Variants in CACNA1C observed in about 807,000 individuals in gnomAD.
The protein encoded by CACNA1C is voltage-dependent L-type calcium channel subunit alpha-1C.
A neutral mutation model predicts 229.0 loss-of-function variants in CACNA1C; 30 were observed. The ratio of observed to expected loss-of-function variants is 0.13; its 90% CI spans 0.10 to 0.18. CACNA1C has a LOEUF of 0.18. Ranked by LOEUF, CACNA1C falls within the 10% of genes least tolerant of loss-of-function variation. The pLI is 1.00. For synonymous variants in CACNA1C, 1,114 were observed against 1,132.5 expected, an observed-to-expected ratio of 0.98 and a Z score of 0.33; for missense variants, 1,658 against 2,845.0, an observed-to-expected ratio of 0.58 and a Z score of 9.49.
chr12:2,606,675 T>C lies in CACNA1C; in HGVS notation c.3209+12T>C, dbSNP rs372982213. 254 of 1,605,766 alleles carry C rather than the reference T, an allele frequency of 1.6e-4. 3 individuals carry two copies. The highest frequency in any genetic ancestry group is 8.3e-4 in the Middle Eastern group (5 of 6,058). Reference sequence around the variant, plus strand: ...GAGGCGGAATGCAAGTGAGTAGAGGTGGGAGGGCAGCCAGGGCCACGGCCG... The same window carrying C: ...GAGGCGGAATGCAAGTGAGTAGAGGCGGGAGGGCAGCCAGGGCCACGGCCG... On this transcript the variant is annotated intron_variant, in intron 25 of 46. Coordinates refer to ENST00000399655, the MANE Select transcript of CACNA1C (RefSeq NM_000719.7).
chr12:2,418,166 G>A (rs1485484389), intron 3 of CACNA1C, among the ~76,000 whole-genome samples: 3 of 152,106 alleles, frequency 2.0e-5, no homozygotes, highest in African/African-American at 4.8e-5. Context: ...CTAGCATTAC[G>A]GCAGGCATCT....
At chr12:2,227,809 G>A (rs2063466328) in intron 3 of CACNA1C, among the ~76,000 whole-genome samples, 1 of 152,204 alleles carries the variant, frequency 6.6e-6, no homozygotes, top group Non-Finnish European at 1.5e-5. Context: ...TTACACTTTA[G>A]TTGGCACCAT....
Position 2,363,937 on chromosome 12 carries a change from C to T in CACNA1C, c.478-85039C>T, listed in dbSNP as rs533298394. 3.9e-4 allele frequency among the ~76,000 whole-genome samples: 59 copies of T among 152,304 alleles called. 1 individual carries two copies. In the South Asian group the frequency reaches 0.011, roughly 29 times the overall value. On this transcript the variant is annotated intron_variant, in intron 3 of 46. Coordinates refer to ENST00000399655, the MANE Select transcript of CACNA1C (RefSeq NM_000719.7). ...GCAGGTGTGGTCCAAACTTACTGGC[C>T]GGCCTGCAGGCCAGGAGGCCAGTGC...
Position 2,691,207 on chromosome 12 carries a change from T to G in CACNA1C, c.*8T>G, listed in dbSNP as rs956428930. The G allele has an allele frequency of 3.9e-6, 6 of 1,532,232 alleles. No individual in the cohort carries two copies. The African/African-American group carries it at 4.2e-5, about 11-fold the overall frequency. The allele number at this position is 1,532,232 out of a possible 1,614,324, so 94.9% of individuals were successfully genotyped here. A position where few individuals can be genotyped will look rare whatever the true frequency, so the allele number is the denominator to read the frequency against. ...TACGTCAGCAGCCTGTAGTGGGCGC[T>G]GCCAGATGCGGGCTTTTTTTTATTT... On this transcript the variant is annotated 3_prime_UTR_variant, in exon 47 of 47. Transcript: ENST00000399655.
chr12:2,530,638 G>A (rs976549830), intron 9 of CACNA1C, among the ~76,000 whole-genome samples: 18 of 152,108 alleles, frequency 1.2e-4, no homozygotes, highest in African/African-American at 4.3e-4. Context: ...CTTACTTTAG[G>A]GTTAAAACAA....
chr12:2,344,475 G>A (rs561904259), intron 3 of CACNA1C, among the ~76,000 whole-genome samples: 2 of 152,192 alleles, frequency 1.3e-5, no homozygotes, highest in South Asian at 4.2e-4. Context: ...AGGGGCATTT[G>A]CATTACAAAT....
intron 3 of CACNA1C, among the ~76,000 whole-genome samples, chr12:2,296,427 G>A (rs559115891): frequency 6.6e-6 from 1 of 152,344 alleles, no homozygotes; most frequent in East Asian, 1.9e-4. Flanking sequence ...CTCTGGGGGA[G>A]TCCAAGATCA....
At chr12:2,652,151 C>T (rs762955876) in intron 32 of CACNA1C, among the ~76,000 whole-genome samples, 7 of 152,194 alleles carry the variant, frequency 4.6e-5, no homozygotes, top group African/African-American at 7.2e-5. Context: ...TATGGCCCTT[C>T]GAGTTCAGCA....
chr12:2,157,286 TG>T (rs2095602266), intron 3 of CACNA1C, among the ~76,000 whole-genome samples: 1 of 152,194 alleles, frequency 6.6e-6, no homozygotes, highest in Non-Finnish European at 1.5e-5. Flanking sequence ...ATCTGTCCAT[TG>T]AAAAAAATTA....
chr12:2,324,338 T>C (rs558277413), intron 3 of CACNA1C, among the ~76,000 whole-genome samples: 1 of 152,262 alleles, frequency 6.6e-6, no homozygotes, highest in East Asian at 1.9e-4. Flanking sequence ...TTTGGGGAGA[T>C]TTTGGATTTT....
At chr12:2,163,232 A>G (rs2096003262) in intron 3 of CACNA1C, among the ~76,000 whole-genome samples, 1 of 150,846 alleles carries the variant, frequency 6.6e-6, no homozygotes, top group Non-Finnish European at 1.5e-5. Flanking sequence ...GTGACCACTG[A>G]AATGTGTATA....
intron 3 of CACNA1C, among the ~76,000 whole-genome samples, chr12:2,297,279 G>A (rs569356667): frequency 2.4e-4 from 36 of 152,308 alleles, no homozygotes; most frequent in African/African-American, 8.2e-4. Flanking sequence ...ATTCACCAGA[G>A]GCATTTAAAG....
intron 1 of CACNA1C, among the ~76,000 whole-genome samples, chr12:1,998,239 A>G (rs1448642648): frequency 6.6e-6 from 1 of 152,242 alleles, no homozygotes; most frequent in Admixed American, 6.5e-5. Flanking sequence ...CAGGGATAGC[A>G]GCATACCCTT....
chr12:2,657,368 T>C (rs1331889277), intron 34 of CACNA1C, among the ~76,000 whole-genome samples: 1 of 152,200 alleles, frequency 6.6e-6, no homozygotes, highest in Admixed American at 6.5e-5. Context: ...CATGCTAAGA[T>C]TCTTCTCTTG....
intron 11 of CACNA1C, among the ~76,000 whole-genome samples, chr12:2,558,133 A>G (rs1382691204): frequency 6.6e-6 from 1 of 152,172 alleles, no homozygotes; most frequent in Non-Finnish European, 1.5e-5. Flanking sequence ...TGTCTCTCAG[A>G]TTGCCTCTCT....
intron 4 of CACNA1C, among the ~76,000 whole-genome samples, chr12:2,451,520 A>G (rs1366897637): frequency 2.6e-5 from 4 of 152,206 alleles, no homozygotes; most frequent in Non-Finnish European, 5.9e-5. Context: ...TCTTAATGAA[A>G]TCATGAGTCG....
intron 13 of CACNA1C, among the ~76,000 whole-genome samples, chr12:2,576,721 C>G (rs550577556): frequency 6.9e-6 from 1 of 145,292 alleles, no homozygotes; most frequent in Admixed American, 7.0e-5. Context: ...AGTGTGAGGA[C>G]CTGCAGGACC....
chr12:2,521,687 A>G (rs1260979609), intron 9 of CACNA1C, among the ~76,000 whole-genome samples: 1 of 152,098 alleles, frequency 6.6e-6, no homozygotes, highest in Non-Finnish European at 1.5e-5. Flanking sequence ...CAGTCAGTCA[A>G]GTCGTATGGG....
chr12:2,120,448 A>C lies in CACNA1C; in HGVS notation c.477+18A>C. On this transcript the variant is annotated intron_variant, in intron 3 of 46. Coordinates refer to ENST00000399655, the MANE Select transcript of CACNA1C (RefSeq NM_000719.7). ...CCAACCTGGTAAGTCCACCATCCTC[A>C]AGTCTCTGCTTTTTCACTCGATGGA... is the stretch of plus-strand genomic sequence containing the variant. 1 of 1,340,164 alleles carries C rather than the reference A, an allele frequency of 7.5e-7. No homozygotes were observed. Among genetic ancestry groups the C allele is most frequent in the Non-Finnish European group, 1.1e-6 (1 of 930,124 alleles). 83.0% of individuals were successfully genotyped at this position (1,340,164 alleles called of 1,614,324 possible).
Sources: allele counts gnomAD v4.1 joint callset (sites outside exome capture counted in the v4.1 genomes callset), GRCh38; gene constraint gnomAD v4.1.1; transcripts MANE v1.5; gene names NCBI Gene and HGNC (gene_info 2026-07-23, HGNC 2026-07-21).